Variants in CLN6 observed in about 807,000 individuals in gnomAD.
The protein encoded by CLN6 is ceroid-lipofuscinosis neuronal protein 6.
Under a neutral mutation model 33.3 loss-of-function variants are expected in CLN6, and 22 were observed. The ratio of observed to expected loss-of-function variants is 0.66; its 90% CI spans 0.47 to 0.94. CLN6 has a LOEUF of 0.94. CLN6 is among the 40% of genes least tolerant of loss of function. CLN6 has a pLI of 0.00. For missense variants in CLN6, 387 were observed against 417.1 expected (o/e 0.93, Z 0.63); for synonymous variants, 201 against 174.6 (o/e 1.15, Z -1.19).
Position 68,207,895 on chromosome 15 carries a change from G to A in CLN6, c.*245C>T, listed in dbSNP as rs984957392. 1.8e-6 allele frequency: 1 copy of A among 569,814 alleles called. No individual in the cohort carries two copies. The highest frequency in any genetic ancestry group is 3.1e-5 in the East Asian group (1 of 32,748). 35.3% of individuals were successfully genotyped at this position (569,814 alleles called of 1,614,324 possible). On this transcript the variant is annotated 3_prime_UTR_variant, in exon 7 of 7. Transcript: ENST00000249806. ...CCAGAAACACTCTAAAACAGAATCC[G>A]ATCCTGAGATGATCCAAATCAAACA... is the stretch of plus-strand genomic sequence containing the variant.
In CLN6 at chr15:68,234,956, G is replaced by A. The variant is rs1456300280; in HGVS notation, c.180-16306C>T. 6.6e-6 allele frequency among the ~76,000 whole-genome samples: 1 copy of A among 152,232 alleles called. No individual in the cohort carries two copies. The highest frequency in any genetic ancestry group is 1.5e-5 in the Non-Finnish European group (1 of 68,042). The stretch of plus-strand genomic sequence containing the variant: ...TGCTTGAACCCGGGAGACGGAAGTT[G>A]CAGTGAGCCAAGATTGTGCCACTGC... On this transcript the variant is annotated intron_variant, in intron 1 of 6. Coordinates refer to the CLN6 transcript ENST00000538696. The surrounding 1 kb of genome is among the most constrained non-coding windows in gnomAD (Gnocchi z 4.1).
chr15:68,217,439 T>C (rs1295426090), intron 2 of CLN6, among the ~76,000 whole-genome samples: 1 of 152,166 alleles, frequency 6.6e-6, no homozygotes, highest in Non-Finnish European at 1.5e-5. Flanking sequence ...TATATTGCCC[T>C]GACTGATCTC....
At chr15:68,234,711 C>A (rs530836182), upstream of CLN6, among the ~76,000 whole-genome samples, 4 of 152,282 alleles carry the variant, frequency 2.6e-5, no homozygotes, top group South Asian at 2.1e-4. The surrounding 1 kb of genome is among the most constrained non-coding windows in gnomAD (Gnocchi z 4.1). Context: ...CTTATAATTT[C>A]TTTCACTCTT....
chr15:68,229,752 G>GGCGGAGCGGAGCGGA, upstream of CLN6: 1 of 327,752 alleles, frequency 3.1e-6, no homozygotes, highest in Admixed American at 5.3e-5. Context: ...CCCGGGGCGG[G>GGCGGAGCGGAGCGGA]GCGGAGCGGA....
chr15:68,212,192 C>A, intron 3 of CLN6: 1 of 347,664 alleles, frequency 2.9e-6, no homozygotes, highest in Non-Finnish European at 5.4e-6. Flanking sequence ...CAGGCTCAGG[C>A]CCAGCCCTCC....
At position 68,241,069 on chromosome 15, in the gene CLN6, A is replaced by G. The variant is rs973980716; in HGVS notation, c.179+15621T>C. Among the ~76,000 whole-genome samples the G allele has an allele frequency of 6.6e-6, 1 of 152,158 alleles. No individual in the cohort carries two copies. Among genetic ancestry groups the G allele is most frequent in the Non-Finnish European group, 1.5e-5 (1 of 68,024 alleles). Reference sequence around the variant, plus strand: ...TGAAGAACAGAAGAAAGCTGCAAATATGGAAGAGATGAAAAAGATAAACAT... The same window carrying G: ...TGAAGAACAGAAGAAAGCTGCAAATGTGGAAGAGATGAAAAAGATAAACAT... On this transcript the variant is annotated intron_variant, in intron 1 of 6. Transcript: ENST00000538696. The surrounding 1 kb of genome is among the most constrained non-coding windows in gnomAD (Gnocchi z 4.2).
intron 2 of CLN6, among the ~76,000 whole-genome samples, chr15:68,216,501 C>G (rs1325698420): frequency 6.6e-6 from 1 of 152,228 alleles, no homozygotes; most frequent in South Asian, 2.1e-4. Flanking sequence ...GCCAGGACAG[C>G]TTTTCTTTAC....
chr15:68,247,714 T>C lies in CLN6; in HGVS notation c.179+8976A>G, dbSNP rs1416676092. Reference sequence around the variant, plus strand: ...TGGAACCACAAAAGACCCAGAATAGTGAAAGCAATCCTAAGCAAAACGAAC... The same window carrying C: ...TGGAACCACAAAAGACCCAGAATAGCGAAAGCAATCCTAAGCAAAACGAAC... On this transcript the variant is annotated intron_variant, in intron 1 of 6. Transcript: ENST00000538696. This position sits in a 1 kb window ranked among gnomAD's most constrained non-coding sequence, Gnocchi z 4.2. Among the ~76,000 whole-genome samples the C allele has an allele frequency of 2.6e-5, 4 of 152,004 alleles. No homozygotes were observed. Among genetic ancestry groups the C allele is most frequent in the African/African-American group, 4.8e-5 (2 of 41,368 alleles).
At chr15:68,222,277 C>T (rs2093239339) in intron 1 of CLN6, among the ~76,000 whole-genome samples, 1 of 147,470 alleles carries the variant, frequency 6.8e-6, no homozygotes, top group Admixed American at 6.8e-5. Flanking sequence ...AGGAGCACCT[C>T]TGCCTGGCCG....
Position 68,229,666 on chromosome 15 carries a change from A to T in CLN6, c.-82T>A, listed in dbSNP as rs1191716967. On this transcript the variant is annotated 5_prime_UTR_variant, in exon 1 of 7. It adds an upstream start codon to the 5' untranslated region. Transcript: ENST00000249806. ...GGCTGCCCCGGCGGAGGCCGCCGCA[A>T]ATTCCCAGCGCGGGGCGGTTCGGGG... The T allele has an allele frequency of 7.5e-6, 9 of 1,199,286 alleles. No individual in the cohort carries two copies. Among genetic ancestry groups the T allele is most frequent in the Non-Finnish European group, 8.7e-6 (8 of 916,806 alleles). 74.3% of individuals were successfully genotyped at this position (1,199,286 alleles called of 1,614,324 possible). A position where few individuals can be genotyped will look rare whatever the true frequency, so the allele number is the denominator to read the frequency against.
chr15:68,233,850 C>G (rs189828952), upstream of CLN6, among the ~76,000 whole-genome samples: 20 of 152,268 alleles, frequency 1.3e-4, no homozygotes, highest in Admixed American at 3.9e-4. The surrounding 1 kb of genome is among the most constrained non-coding windows in gnomAD (Gnocchi z 4.3). Flanking sequence ...GACTGGGGCA[C>G]TGGGGGAAGA....
In CLN6 at chr15:68,246,631, A is replaced by G. The variant is rs1471831221; in HGVS notation, c.179+10059T>C. Among the ~76,000 whole-genome samples the G allele has an allele frequency of 6.6e-6, 1 of 152,156 alleles. No individual in the cohort carries two copies. The highest frequency in any genetic ancestry group is 1.5e-5 in the Non-Finnish European group (1 of 68,042). On this transcript the variant is annotated intron_variant, in intron 1 of 6. Transcript: ENST00000538696. This position sits in a 1 kb window ranked among gnomAD's most constrained non-coding sequence, Gnocchi z 4.5. ...TCAAAAAAGCAGAAAGACTTCAAATAAACAACCTAACAATGCACCTCAAGG... is the reference window on the plus strand; with the variant it reads ...TCAAAAAAGCAGAAAGACTTCAAATGAACAACCTAACAATGCACCTCAAGG...
chr15:68,225,055 C>T (rs186597111), intron 1 of CLN6, among the ~76,000 whole-genome samples: 3 of 151,902 alleles, frequency 2.0e-5, no homozygotes, highest in Admixed American at 6.6e-5. Flanking sequence ...ACAAGTCAAG[C>T]GGTAACCCAC....
At chr15:68,237,314 C>T (rs1489108683) in intron 1 of CLN6, among the ~76,000 whole-genome samples, 1 of 148,322 alleles carries the variant, frequency 6.7e-6, no homozygotes, top group Non-Finnish European at 1.5e-5. Flanking sequence ...ACCCCTATCT[C>T]TACAAAAAAA....
chr15:68,249,262 G>A (rs1892354858), intron 1 of CLN6, among the ~76,000 whole-genome samples: 2 of 152,210 alleles, frequency 1.3e-5, no homozygotes, highest in Admixed American at 6.5e-5. Context: ...AAGCAATACG[G>A]AGGTTCCTCA....
intron 1 of CLN6, among the ~76,000 whole-genome samples, chr15:68,239,963 A>G (rs1244686291): frequency 6.6e-6 from 1 of 152,240 alleles, no homozygotes; most frequent in African/African-American, 2.4e-5. Context: ...AAAAGAAGTG[A>G]CACATCCACT....
At chr15:68,221,023 A>T (rs1350369619) in intron 1 of CLN6, among the ~76,000 whole-genome samples, 1 of 147,628 alleles carries the variant, frequency 6.8e-6, no homozygotes. Flanking sequence ...TATTATTATT[A>T]TTATTTTTTG....
At chr15:68,224,686 C>A (rs186392010) in intron 1 of CLN6, among the ~76,000 whole-genome samples, 6 of 151,484 alleles carry the variant, frequency 4.0e-5, no homozygotes, top group Non-Finnish European at 8.8e-5. Flanking sequence ...ACTCTGCCCA[C>A]GGGAGGCAGA....
chr15:68,244,730 C>A (rs1368910987), intron 1 of CLN6, among the ~76,000 whole-genome samples: 3 of 152,062 alleles, frequency 2.0e-5, no homozygotes, highest in Non-Finnish European at 4.4e-5. Flanking sequence ...GAAGAGAAAT[C>A]TATCAAAAAC....
Sources: allele counts gnomAD v4.1 joint callset (sites outside exome capture counted in the v4.1 genomes callset), GRCh38; gene constraint gnomAD v4.1.1; non-coding constraint Gnocchi (gnomAD v3.1); transcripts MANE v1.5; gene names NCBI Gene and HGNC (gene_info 2026-07-23, HGNC 2026-07-21).